The following CIMIP6 variants were observed in gnomAD, a reference collection of about 807,000 sequenced individuals.
The protein encoded by CIMIP6 is uncharacterized protein C2orf73.
chr2:54,375,954 G>C, the CIMIP6 span, among the ~76,000 whole-genome samples: 528 of 152,152 alleles, frequency 3.5e-3, 1 homozygote, highest in South Asian at 9.6e-3. Context: ...CTGGAAAGTA[G>C]AGATAAAGAA....
the CIMIP6 span, among the ~76,000 whole-genome samples, chr2:54,357,215 G>A: frequency 3.0e-4 from 45 of 152,106 alleles, no homozygotes; most frequent in Non-Finnish European, 5.7e-4. Flanking sequence ...TTTGTAACAT[G>A]TAATGTATAA....
At chr2:54,333,210 G>C in the CIMIP6 span, among the ~76,000 whole-genome samples, 1 of 152,076 alleles carries the variant, frequency 6.6e-6, no homozygotes, top group Admixed American at 6.5e-5. Context: ...CTAAAAACAA[G>C]TAAACAAAAA....
At chr2:54,363,632 T>A in the CIMIP6 span, among the ~76,000 whole-genome samples, 2,328 of 152,098 alleles carry the variant, frequency 0.015, 58 homozygotes, top group African/African-American at 0.054. Flanking sequence ...AGTAATATCT[T>A]TCAAAATTTA....
At chr2:54,378,411 A>C in the CIMIP6 span, among the ~76,000 whole-genome samples, 2 of 152,240 alleles carry the variant, frequency 1.3e-5, no homozygotes, top group Non-Finnish European at 2.9e-5. Context: ...ACATTTTTAA[A>C]CAGGAAGTCT....
the CIMIP6 span, among the ~76,000 whole-genome samples, chr2:54,345,089 G>C: frequency 2.0e-5 from 3 of 152,054 alleles, no homozygotes; most frequent in Non-Finnish European, 4.4e-5. Flanking sequence ...ATGTAGGGAG[G>C]CAAAATTATT....
the CIMIP6 span, among the ~76,000 whole-genome samples, chr2:54,343,189 C>T: frequency 6.6e-6 from 1 of 152,124 alleles, no homozygotes; most frequent in Non-Finnish European, 1.5e-5. Context: ...AAGCACACTG[C>T]ATATAGTAAG....
At chr2:54,336,899 A>T in the CIMIP6 span, among the ~76,000 whole-genome samples, 1 of 152,200 alleles carries the variant, frequency 6.6e-6, no homozygotes, top group Non-Finnish European at 1.5e-5. Context: ...TAGCAGCAGA[A>T]TCCTAGTCTA....
the CIMIP6 span, among the ~76,000 whole-genome samples, chr2:54,335,484 CA>C: frequency 1.3e-5 from 2 of 152,114 alleles, no homozygotes; most frequent in South Asian, 4.1e-4. Context: ...AAATAGTTTA[CA>C]AATAACACAT....
At chr2:54,331,856 C>A in the CIMIP6 span, among the ~76,000 whole-genome samples, 2 of 152,136 alleles carry the variant, frequency 1.3e-5, 1 homozygote, top group Non-Finnish European at 2.9e-5. Context: ...TATTTTTGTC[C>A]CTGGAACAAT....
At chr2:54,356,578 G>A in the CIMIP6 span, among the ~76,000 whole-genome samples, 43,376 of 151,734 alleles carry the variant, frequency 0.29, 7,096 homozygotes, top group Non-Finnish European at 0.38. Flanking sequence ...TCCCTTCCAT[G>A]GTTTCCCCTT....
chr2:54,363,270 T>C, the CIMIP6 span, among the ~76,000 whole-genome samples: 1 of 152,140 alleles, frequency 6.6e-6, no homozygotes, highest in African/African-American at 2.4e-5. Context: ...TTGGGACAAG[T>C]TTGGGATGTA....
the CIMIP6 span, among the ~76,000 whole-genome samples, chr2:54,384,138 T>C: frequency 6.6e-6 from 1 of 152,258 alleles, no homozygotes; most frequent in Non-Finnish European, 1.5e-5. Context: ...TGGTGGTATG[T>C]GCTTTGCCAA....
the CIMIP6 span, among the ~76,000 whole-genome samples, chr2:54,333,802 A>G: frequency 1.3e-5 from 2 of 152,128 alleles, no homozygotes; most frequent in African/African-American, 2.4e-5. Flanking sequence ...CTGAGGCAGG[A>G]GAATCACTTG....
At chr2:54,372,611 T>C in the CIMIP6 span, among the ~76,000 whole-genome samples, 1 of 152,116 alleles carries the variant, frequency 6.6e-6, no homozygotes, top group Non-Finnish European at 1.5e-5. Context: ...TGCTGTGAGG[T>C]CATGCCAACC....
the CIMIP6 span, among the ~76,000 whole-genome samples, chr2:54,346,137 A>G: frequency 2.6e-5 from 4 of 152,330 alleles, no homozygotes; most frequent in African/African-American, 7.2e-5. Flanking sequence ...ATTATGTAAT[A>G]CTATGCATGC....
At chr2:54,344,685 C>A in the CIMIP6 span, among the ~76,000 whole-genome samples, 6 of 148,684 alleles carry the variant, frequency 4.0e-5, no homozygotes, top group Non-Finnish European at 5.9e-5. Context: ...TCAACTACCA[C>A]ACCAGTTATT....
At chr2:54,370,453 A>C in the CIMIP6 span, among the ~76,000 whole-genome samples, 1 of 151,972 alleles carries the variant, frequency 6.6e-6, no homozygotes, top group Non-Finnish European at 1.5e-5. Context: ...AAAAAAAAAA[A>C]CATGTAAAGA....
chr2:54,347,921 G>A, the CIMIP6 span, among the ~76,000 whole-genome samples: 1 of 152,156 alleles, frequency 6.6e-6, no homozygotes, highest in South Asian at 2.1e-4. Flanking sequence ...GTTTACTTGA[G>A]TCTATTGCTA....
At chr2:54,351,108 G>T in the CIMIP6 span, among the ~76,000 whole-genome samples, 1 of 152,150 alleles carries the variant, frequency 6.6e-6, no homozygotes, top group Non-Finnish European at 1.5e-5. Context: ...AATAAGAACA[G>T]CATCTTTCAC....
Sources: allele counts gnomAD v4.1 joint callset (sites outside exome capture counted in the v4.1 genomes callset), GRCh38; gene constraint gnomAD v4.1.1; transcripts MANE v1.5; gene names NCBI Gene and HGNC (gene_info 2026-07-23, HGNC 2026-07-21).